CACNA2D3: variants seen among roughly 807,000 people sequenced by gnomAD.
CACNA2D3 encodes voltage-dependent calcium channel subunit alpha-2/delta-3.
In CACNA2D3, 60 loss-of-function variants were observed where a neutral mutation model predicts 160.6. That is an observed-to-expected ratio of 0.37 (90% CI 0.30 to 0.46). CACNA2D3 has a LOEUF of 0.46. Ranked by LOEUF, CACNA2D3 falls within the 20% of genes least tolerant of loss-of-function variation. CACNA2D3 has a pLI of 1.00. For missense variants in CACNA2D3, 1,205 were observed against 1,365.0 expected (o/e 0.88, Z 1.85); for synonymous variants, 558 against 492.9 (o/e 1.13, Z -1.75).
chr3:54,823,607 T>C (rs1703687790), intron 14 of CACNA2D3, among the ~76,000 whole-genome samples: 2 of 152,142 alleles, frequency 1.3e-5, no homozygotes, highest in African/African-American at 2.4e-5. Context: ...AAAAAGTCAC[T>C]GAACTTCCAA....
intron 36 of CACNA2D3, 90 bp from the exon 37 acceptor site, chr3:55,073,687 G>A: frequency 1.6e-6 from 2 of 1,257,044 alleles, no homozygotes; most frequent in Non-Finnish European, 2.3e-6. Flanking sequence ...AGAGAGAGTA[G>A]TTAAGAGAGT....
intron 11 of CACNA2D3, among the ~76,000 whole-genome samples, chr3:54,655,575 T>C (rs1344898820): frequency 6.6e-6 from 1 of 152,238 alleles, no homozygotes; most frequent in African/African-American, 2.4e-5. Context: ...AAGATTAAAG[T>C]ATTCTACTGC....
At chr3:54,464,184 G>T (rs565815279) in intron 4 of CACNA2D3, among the ~76,000 whole-genome samples, 2 of 152,338 alleles carry the variant, frequency 1.3e-5, no homozygotes, top group East Asian at 1.9e-4. Flanking sequence ...TGCCCCTACT[G>T]GGGGGTGCCT....
At chr3:54,815,380 G>T (rs1295826263) in intron 13 of CACNA2D3, among the ~76,000 whole-genome samples, 3 of 152,172 alleles carry the variant, frequency 2.0e-5, no homozygotes, top group Non-Finnish European at 2.9e-5. Context: ...TCTACTCTTT[G>T]TGGGCTCCAT....
chr3:54,262,812 C>A (rs950501023), intron 2 of CACNA2D3, among the ~76,000 whole-genome samples: 2 of 152,114 alleles, frequency 1.3e-5, no homozygotes, highest in African/African-American at 2.4e-5. Flanking sequence ...GAGCCACCTC[C>A]CAGTGCTGGG....
intron 11 of CACNA2D3, among the ~76,000 whole-genome samples, chr3:54,655,519 C>T (rs926789424): frequency 1.3e-5 from 2 of 152,138 alleles, no homozygotes; most frequent in East Asian, 1.9e-4. Context: ...GCTCTTTTAT[C>T]CTGAATATGG....
chr3:54,387,869 T>C (rs1699216223), intron 4 of CACNA2D3, among the ~76,000 whole-genome samples: 2 of 152,280 alleles, frequency 1.3e-5, no homozygotes, highest in South Asian at 2.1e-4. Flanking sequence ...CTTTCCTATA[T>C]TCCCATTTAT....
intron 4 of CACNA2D3, among the ~76,000 whole-genome samples, chr3:54,464,719 G>A (rs375428875): frequency 1.1e-4 from 16 of 152,350 alleles, no homozygotes; most frequent in East Asian, 5.8e-4. Flanking sequence ...CTGACCCCTC[G>A]CGCTTCCTGA....
At chr3:54,238,624 A>G (rs966411663) in intron 2 of CACNA2D3, among the ~76,000 whole-genome samples, 1 of 152,238 alleles carries the variant, frequency 6.6e-6, no homozygotes, top group African/African-American at 2.4e-5. Context: ...GGATACAATT[A>G]AGAAAATATA....
intron 13 of CACNA2D3, among the ~76,000 whole-genome samples, chr3:54,809,945 A>AAC (rs1267569223): frequency 6.6e-6 from 1 of 152,202 alleles, no homozygotes; most frequent in Non-Finnish European, 1.5e-5. Flanking sequence ...AGTAAAGAGG[A>AAC]AGATTACACA....
chr3:54,527,652 G>A (rs747427870), intron 5 of CACNA2D3, among the ~76,000 whole-genome samples: 3 of 152,134 alleles, frequency 2.0e-5, no homozygotes, highest in African/African-American at 4.8e-5. Context: ...AGCTGTACTC[G>A]CCCAGAACTT....
At chr3:54,812,348 C>G (rs1277405580) in intron 13 of CACNA2D3, among the ~76,000 whole-genome samples, 1 of 152,080 alleles carries the variant, frequency 6.6e-6, no homozygotes, top group East Asian at 1.9e-4. Flanking sequence ...GGAAGGCCTG[C>G]GAAAAGAGCA....
intron 4 of CACNA2D3, among the ~76,000 whole-genome samples, chr3:54,421,856 T>C (rs1436908352): frequency 6.6e-6 from 1 of 152,164 alleles, no homozygotes; most frequent in African/African-American, 2.4e-5. Flanking sequence ...GAAGAAAAGA[T>C]GTGCAAGAAG....
At chr3:54,999,321 A>C (rs991260758) in intron 31 of CACNA2D3, among the ~76,000 whole-genome samples, 1 of 152,148 alleles carries the variant, frequency 6.6e-6, no homozygotes, top group African/African-American at 2.4e-5. Context: ...AGGGCTTCCC[A>C]TGGCGACGGT....
At chr3:54,427,853 T>A (rs1699931196) in intron 4 of CACNA2D3, among the ~76,000 whole-genome samples, 1 of 152,182 alleles carries the variant, frequency 6.6e-6, no homozygotes, top group Non-Finnish European at 1.5e-5. Flanking sequence ...GCCCTTGTTT[T>A]CTCTGTGATA....
At chr3:54,283,415 G>T (rs1702928862) in intron 2 of CACNA2D3, among the ~76,000 whole-genome samples, 1 of 152,182 alleles carries the variant, frequency 6.6e-6, no homozygotes, top group Admixed American at 6.5e-5. Context: ...ATGTGAAGTT[G>T]CATATCTGCA....
intron 9 of CACNA2D3, among the ~76,000 whole-genome samples, chr3:54,582,448 C>G (rs1485057573): frequency 1.3e-5 from 2 of 152,182 alleles, no homozygotes; most frequent in Non-Finnish European, 2.9e-5. Context: ...TTGGAGTATC[C>G]TAGGAAAATT....
At chr3:54,748,447 G>T (rs1246574496) in intron 11 of CACNA2D3, among the ~76,000 whole-genome samples, 1 of 152,162 alleles carries the variant, frequency 6.6e-6, no homozygotes, top group Non-Finnish European at 1.5e-5. Flanking sequence ...ATTAAGGTAA[G>T]TGACTTTGAA....
At chr3:54,332,801 C>T (rs559489199) in intron 3 of CACNA2D3, among the ~76,000 whole-genome samples, 1 of 152,276 alleles carries the variant, frequency 6.6e-6, no homozygotes, top group Non-Finnish European at 1.5e-5. Flanking sequence ...TTTCCTTGAC[C>T]ACCTGTCTGC....
Sources: allele counts gnomAD v4.1 joint callset (sites outside exome capture counted in the v4.1 genomes callset), GRCh38; gene constraint gnomAD v4.1.1; transcripts MANE v1.5; gene names NCBI Gene and HGNC (gene_info 2026-07-23, HGNC 2026-07-21).